Variants in APBA2 observed in about 807,000 individuals in gnomAD.
The protein encoded by APBA2 is amyloid-beta A4 precursor protein-binding family A member 2.
In APBA2, 30 loss-of-function variants were observed where a neutral mutation model predicts 75.0. The observed-to-expected ratio is 0.40, with a 90% CI of 0.30 to 0.54. The LOEUF is 0.54. APBA2 is among the 20% of genes least tolerant of loss of function. The pLI is 0.49. For missense variants in APBA2, 801 were observed against 1,016.1 expected, an observed-to-expected ratio of 0.79 and a Z score of 2.88; for synonymous variants, 444 against 409.6, an observed-to-expected ratio of 1.08 and a Z score of -1.01.
chr15:29,009,322 G>A lies in APBA2; in HGVS notation c.-41+13516G>A, dbSNP rs528195744. ...GAGTTGTTCATGGAGACTAAAGTGG[G>A]AGGAAGCTTTGGACAGTCACCTTTT... On this transcript the variant is annotated intron_variant, in intron 3 of 14. Transcript: ENST00000683413. Among the ~76,000 whole-genome samples, 8 of 152,312 alleles carry A rather than the reference G, an allele frequency of 5.3e-5. No individual in the cohort carries two copies. The South Asian group carries it at 1.7e-3, about 32-fold the overall frequency.
chr15:28,979,695 A>C (rs575256260), intron 2 of APBA2, among the ~76,000 whole-genome samples: 78 of 152,292 alleles, frequency 5.1e-4, no homozygotes, highest in Non-Finnish European at 2.1e-4. Context: ...CGGAGCGTGC[A>C]GTCTCTTGGC....
chr15:28,890,776 A>G (rs555212148), intron 1 of APBA2, among the ~76,000 whole-genome samples: 6 of 152,302 alleles, frequency 3.9e-5, no homozygotes, highest in African/African-American at 1.4e-4. Flanking sequence ...GGCACAAATG[A>G]GATGCAATAT....
chr15:29,061,657 T>C (rs2042134595), intron 4 of APBA2, among the ~76,000 whole-genome samples: 1 of 152,202 alleles, frequency 6.6e-6, no homozygotes, highest in African/African-American at 2.4e-5. Flanking sequence ...TGGCCGTGAC[T>C]TGGCATTCAG....
chr15:29,086,687 A>G (rs1255333704), intron 6 of APBA2, among the ~76,000 whole-genome samples: 1 of 152,236 alleles, frequency 6.6e-6, no homozygotes, highest in Admixed American at 6.5e-5. Flanking sequence ...TGTGTTTAGA[A>G]TACATCCCAC....
Position 29,046,974 on chromosome 15 carries a change from T to C in APBA2, c.-40-6871T>C, listed in dbSNP as rs2041366702. Reference sequence around the variant, plus strand: ...GACATTTTCCTTAACTCCCTTTATGTAGTGTTTATGGAGTTCAGGCCTGCA... The same window carrying C: ...GACATTTTCCTTAACTCCCTTTATGCAGTGTTTATGGAGTTCAGGCCTGCA... On this transcript the variant is annotated intron_variant, in intron 3 of 14. Coordinates refer to ENST00000683413, the MANE Select transcript of APBA2 (RefSeq NM_001353788.2). This position sits in a 1 kb window ranked among gnomAD's most constrained non-coding sequence, Gnocchi z 5.0. 2.6e-5 allele frequency among the ~76,000 whole-genome samples: 4 copies of C among 152,200 alleles called. No homozygotes were observed. Among genetic ancestry groups the C allele is most frequent in the Admixed American group, 2.6e-4 (4 of 15,276 alleles).
chr15:28,894,129 G>T (rs1046925975), intron 1 of APBA2: 10 of 152,210 alleles, frequency 6.6e-5, no homozygotes, highest in African/African-American at 2.2e-4. Flanking sequence ...AACATGGTAG[G>T]TCTCACCTTG....
At chr15:29,071,739 C>T (rs1367598908) in intron 4 of APBA2, among the ~76,000 whole-genome samples, 4 of 151,118 alleles carry the variant, frequency 2.6e-5, no homozygotes, top group Non-Finnish European at 5.9e-5. Flanking sequence ...CACAAGCCCA[C>T]CCTCCTGCCT....
intron 3 of APBA2, among the ~76,000 whole-genome samples, chr15:29,014,344 G>A (rs1284254843): frequency 6.6e-6 from 1 of 152,144 alleles, no homozygotes; most frequent in African/African-American, 2.4e-5. Flanking sequence ...AAAGAAGTGA[G>A]GCTAATTTCA....
intron 10 of APBA2, among the ~76,000 whole-genome samples, chr15:29,104,118 C>A (rs1565401): frequency 2.0e-5 from 3 of 152,170 alleles, no homozygotes; most frequent in Non-Finnish European, 4.4e-5. Context: ...TGCATACATT[C>A]ATCTGCTGCT....
chr15:29,105,142 C>T (rs2279491), intron 10 of APBA2, among the ~76,000 whole-genome samples: 23,012 of 152,150 alleles, frequency 0.15, 1,834 homozygotes, highest in East Asian at 0.32. Flanking sequence ...AGGAGTAGAC[C>T]CTTTGGGGTT....
intron 2 of APBA2, among the ~76,000 whole-genome samples, chr15:28,949,995 T>C (rs1369395145): frequency 6.6e-6 from 1 of 152,176 alleles, no homozygotes; most frequent in Non-Finnish European, 1.5e-5. Flanking sequence ...TAATGTTTTT[T>C]TTCTGTCCCA....
chr15:28,933,007 C>T (rs1011212025), intron 2 of APBA2, among the ~76,000 whole-genome samples: 4 of 152,094 alleles, frequency 2.6e-5, no homozygotes, highest in African/African-American at 7.2e-5. Flanking sequence ...CTTCTTGCTG[C>T]GTCCTAACAT....
At position 29,039,707 on chromosome 15, in the gene APBA2, C is replaced by T. The variant is rs151159974; in HGVS notation, c.-40-14138C>T. On this transcript the variant is annotated intron_variant, in intron 3 of 14. Coordinates refer to ENST00000683413, the MANE Select transcript of APBA2 (RefSeq NM_001353788.2). ...GCTGATGATGTCAAGCCTAGCTGAA[C>T]GCTGATGGGCAGTGTCTGATTAATC... Among the ~76,000 whole-genome samples the T allele has an allele frequency of 5.5e-4, 84 of 152,262 alleles. No individual in the cohort carries two copies. The Middle Eastern group carries it at 0.01, about 18-fold the overall frequency.
At chr15:28,973,449 T>C (rs369123356) in intron 2 of APBA2, among the ~76,000 whole-genome samples, 1 of 152,180 alleles carries the variant, frequency 6.6e-6, no homozygotes, top group Non-Finnish European at 1.5e-5. Context: ...GTTAAGGAAA[T>C]AGTGATTATT....
chr15:28,938,025 G>A (rs961786193), intron 2 of APBA2, among the ~76,000 whole-genome samples: 1 of 152,156 alleles, frequency 6.6e-6, no homozygotes, highest in African/African-American at 2.4e-5. Flanking sequence ...AGCCAGTCCT[G>A]TGGCCTCTCT....
chr15:29,071,939 G>C (rs776670449), intron 4 of APBA2, among the ~76,000 whole-genome samples: 2 of 152,016 alleles, frequency 1.3e-5, no homozygotes, highest in African/African-American at 4.8e-5. Context: ...GTAGGGCATG[G>C]GGGTGCAGCC....
At position 29,108,325 on chromosome 15, in the gene APBA2, C is replaced by G. The variant is rs760175228; in HGVS notation, c.1973C>G (p.Thr658Ser). The change falls in exon 13 of 15, where the codon ACC becomes AGC. Residue 658 changes from threonine to serine, a missense_variant. Coordinates refer to ENST00000683413, the MANE Select transcript of APBA2 (RefSeq NM_001353788.2). ...AACATTGTCAGCTGTCCCCCGGTCA[C>G]CACGGTCCTTATCAAGCGGCCAGAC... The part of the protein sequence containing the change: ...KLNIVSCPPV[T>S]TVLIKRPDLK... 6.2e-7 allele frequency: 1 copy of G among 1,614,094 alleles called. No individual in the cohort carries two copies. Among genetic ancestry groups the G allele is most frequent in the East Asian group, 2.2e-5 (1 of 44,876 alleles).
chr15:29,063,465 A>G (rs55772325), intron 4 of APBA2, among the ~76,000 whole-genome samples: 31 of 49,098 alleles, frequency 6.3e-4, no homozygotes, highest in Non-Finnish European at 8.5e-4. Context: ...ATGGGTGGGG[A>G]GGGGAGTTGA....
At chr15:28,916,162 GCT>G (rs1429979948) in intron 1 of APBA2, among the ~76,000 whole-genome samples, 2 of 152,244 alleles carry the variant, frequency 1.3e-5, no homozygotes, top group Non-Finnish European at 2.9e-5. Context: ...GGTGTCTCTG[GCT>G]GTGCCCTGGG....
Sources: allele counts gnomAD v4.1 joint callset (sites outside exome capture counted in the v4.1 genomes callset), GRCh38; gene constraint gnomAD v4.1.1; non-coding constraint Gnocchi (gnomAD v3.1); transcripts MANE v1.5; gene names NCBI Gene and HGNC (gene_info 2026-07-23, HGNC 2026-07-21).